Variants in KCNQ1 observed in about 807,000 individuals in gnomAD.
The protein encoded by KCNQ1 is potassium voltage-gated channel subfamily KQT member 1.
A neutral mutation model predicts 72.4 loss-of-function variants in KCNQ1; 49 were observed. The observed-to-expected ratio is 0.68, with a 90% CI of 0.54 to 0.86. KCNQ1 has a LOEUF of 0.86. Ranked by LOEUF, KCNQ1 falls within the 40% of genes least tolerant of loss-of-function variation. KCNQ1 has a pLI of 0.00. For missense variants in KCNQ1, 790 were observed against 945.1 expected, an observed-to-expected ratio of 0.84 and a Z score of 2.15; for synonymous variants, 450 against 412.6, an observed-to-expected ratio of 1.09 and a Z score of -1.10.
chr11:2,812,768 C>T (rs918123753), intron 15 of KCNQ1, among the ~76,000 whole-genome samples: 1 of 152,218 alleles, frequency 6.6e-6, no homozygotes, highest in African/African-American at 2.4e-5. Flanking sequence ...AGGCCCCACG[C>T]CCCCGGGGCC....
chr11:2,728,284 G>A (rs894054056), intron 11 of KCNQ1, among the ~76,000 whole-genome samples: 7 of 152,170 alleles, frequency 4.6e-5, no homozygotes, highest in Admixed American at 6.5e-5. Flanking sequence ...GGGTAAGTCC[G>A]ACCCCAGGTG....
chr11:2,607,020 A>G (rs766625989), intron 10 of KCNQ1, among the ~76,000 whole-genome samples: 5 of 147,188 alleles, frequency 3.4e-5, no homozygotes, highest in Admixed American at 7.0e-5. Context: ...CTTCTGCCTC[A>G]GCCTCCCGAG....
rs1320757093 is a variant in KCNQ1 at position 2,713,945 on chromosome 11, GC to G, written c.1514+51865del. ...GCCGCGCCTTTGTTCTCTGCTTCCT[GC>G]TCGGTTCCTGCTAACTCAGGGAGCT... On this transcript the variant is annotated intron_variant, in intron 11 of 15. Transcript: ENST00000155840. The surrounding 1 kb of genome is among the most constrained non-coding windows in gnomAD (Gnocchi z 5.6). Among the ~76,000 whole-genome samples the G allele has an allele frequency of 1.3e-5, 2 of 152,248 alleles. No individual in the cohort carries two copies. Among genetic ancestry groups the G allele is most frequent in the African/African-American group, 4.8e-5 (2 of 41,470 alleles).
Position 2,462,260 on chromosome 11 carries a change from G to C in KCNQ1, c.386+16776G>C, listed in dbSNP as rs1009623729. On this transcript the variant is annotated intron_variant, in intron 1 of 15. Coordinates refer to ENST00000155840, the MANE Select transcript of KCNQ1 (RefSeq NM_000218.3). This position sits in a 1 kb window ranked among gnomAD's most constrained non-coding sequence, Gnocchi z 8.2. ...GGCTGCCAGGCCTGCAAGGTAGACA[G>C]GCCTCTGGACTTGAGTGTGGCTGTG... is the stretch of plus-strand genomic sequence containing the variant. Among the ~76,000 whole-genome samples the C allele has an allele frequency of 2.0e-5, 3 of 152,160 alleles. No homozygotes were observed. The East Asian group carries it at 5.8e-4, about 29-fold the overall frequency.
chr11:2,697,434 A>T (rs1276829872), intron 11 of KCNQ1: 1 of 398,562 alleles, frequency 2.5e-6, no homozygotes, highest in Non-Finnish European at 4.4e-6. Flanking sequence ...CCTACTCCTT[A>T]TCTTAAAGAG....
Position 2,588,625 on chromosome 11 carries a change from G to A in KCNQ1, c.1252-88G>A, listed in dbSNP as rs548456707. On this transcript the variant is annotated intron_variant, in intron 9 of 15. Coordinates refer to ENST00000155840, the MANE Select transcript of KCNQ1 (RefSeq NM_000218.3). The surrounding 1 kb of genome is among the most constrained non-coding windows in gnomAD (Gnocchi z 5.6). ...GGTGTATGTGGCGGGGGCTGGGCTC[G>A]GGGCGGCTGCACAGGCACTCTGGGG... 33 of 1,544,670 alleles carry A rather than the reference G, an allele frequency of 2.1e-5. 1 individual carries two copies. In the African/African-American group the frequency reaches 2.4e-4, roughly 11 times the overall value.
rs1943101419 is a variant in KCNQ1, at chr11:2,781,964, C to T, written c.1794+3927C>T. 6.6e-6 allele frequency among the ~76,000 whole-genome samples: 1 copy of T among 152,134 alleles called. No homozygotes were observed. Among genetic ancestry groups the T allele is most frequent in the African/African-American group, 2.4e-5 (1 of 41,418 alleles). ...CAACCCAGGACTCCCAAAACCACAC[C>T]CTGCCCATGCCTTTACCAAGCTTCG... On this transcript the variant is annotated intron_variant, in intron 15 of 15. Transcript: ENST00000155840. The surrounding 1 kb of genome is among the most constrained non-coding windows in gnomAD (Gnocchi z 6.6).
Position 2,623,217 on chromosome 11 carries a change from C to A in KCNQ1, c.1393+34363C>A. 2.5e-6 allele frequency: 1 copy of A among 398,730 alleles called. No homozygotes were observed. Among genetic ancestry groups the A allele is most frequent in the Non-Finnish European group, 4.4e-6 (1 of 226,168 alleles). 24.7% of individuals were successfully genotyped at this position (398,730 alleles called of 1,614,324 possible). ...ATGATTTTAAGTTTCTGAGGCCTGC[C>A]AGCCATGCTTACTGTACAGCCTACA... On this transcript the variant is annotated intron_variant, in intron 10 of 15. Transcript: ENST00000155840. This position sits in a 1 kb window ranked among gnomAD's most constrained non-coding sequence, Gnocchi z 5.2.
intron 11 of KCNQ1, among the ~76,000 whole-genome samples, chr11:2,763,735 TA>T (rs1168436743): frequency 1.3e-5 from 2 of 152,106 alleles, no homozygotes; most frequent in Non-Finnish European, 2.9e-5. Flanking sequence ...TTTTTAAATT[TA>T]TTTTTTCTAC....
At chr11:2,778,792 T>C (rs1846763403) in intron 15 of KCNQ1, among the ~76,000 whole-genome samples, 1 of 152,240 alleles carries the variant, frequency 6.6e-6, no homozygotes, top group South Asian at 2.1e-4. Context: ...GGAGTTTCAG[T>C]TGGGCAGGGA....
At chr11:2,835,822 G>A (rs962843336) in intron 15 of KCNQ1, among the ~76,000 whole-genome samples, 5 of 152,298 alleles carry the variant, frequency 3.3e-5, no homozygotes, top group East Asian at 1.9e-4. Context: ...GCGGGGCAGC[G>A]GGCTCAGCCT....
intron 1 of KCNQ1, among the ~76,000 whole-genome samples, chr11:2,523,553 C>T (rs1052058446): frequency 2.0e-5 from 3 of 152,294 alleles, no homozygotes; most frequent in East Asian, 1.9e-4. Flanking sequence ...CTGTGATGGA[C>T]GGCTGTCACC....
chr11:2,540,041 G>C (rs892168864), intron 2 of KCNQ1, among the ~76,000 whole-genome samples: 1 of 152,156 alleles, frequency 6.6e-6, no homozygotes, highest in Non-Finnish European at 1.5e-5. Context: ...GGCACTGCAC[G>C]TGGGGCTCCT....
Position 2,623,256 on chromosome 11 carries a change from A to G in KCNQ1, c.1393+34402A>G, listed in dbSNP as rs372347869. ...GTACAGCCTACAAAACTGTGAGTCA[A>G]TTAAACCTCTTTTCTCACAAATTAC... On this transcript the variant is annotated intron_variant, in intron 10 of 15. Transcript: ENST00000155840. This position sits in a 1 kb window ranked among gnomAD's most constrained non-coding sequence, Gnocchi z 5.2. The G allele has an allele frequency of 1.3e-5, 5 of 398,752 alleles. No homozygotes were observed. The highest frequency in any genetic ancestry group is 3.6e-5 in the East Asian group (1 of 28,076). The allele number at this position is 398,752 out of a possible 1,614,324, so 24.7% of individuals were successfully genotyped here. A position where few individuals can be genotyped will look rare whatever the true frequency, so the allele number is the denominator to read the frequency against.
At chr11:2,573,242 G>T (rs966118837) in intron 6 of KCNQ1, among the ~76,000 whole-genome samples, 2 of 152,190 alleles carry the variant, frequency 1.3e-5, no homozygotes, top group Non-Finnish European at 2.9e-5. Flanking sequence ...GAGGGAAATC[G>T]GAGGGGTCAC....
At position 2,612,642 on chromosome 11, in the gene KCNQ1, C is replaced by T. The variant is rs1848999814; in HGVS notation, c.1393+23788C>T. The T allele has an allele frequency of 5.0e-6, 2 of 398,368 alleles. No individual in the cohort carries two copies. The highest frequency in any genetic ancestry group is 2.1e-5 in the African/African-American group (1 of 48,604). The allele number at this position is 398,368 out of a possible 1,614,324, so 24.7% of individuals were successfully genotyped here. On this transcript the variant is annotated intron_variant, in intron 10 of 15. Transcript: ENST00000155840. The surrounding 1 kb of genome is among the most constrained non-coding windows in gnomAD (Gnocchi z 5.5). ...TATCTATTTGATGAGTCTTTGTCAT[C>T]ACACTTGCATTCTTTAATGTGGTTT... is the stretch of plus-strand genomic sequence containing the variant.
At position 2,694,758 on chromosome 11, in the gene KCNQ1, G is replaced by A. The variant is rs879307984; in HGVS notation, c.1514+32677G>A. The A allele has an allele frequency of 5.0e-5, 20 of 398,430 alleles. No individual in the cohort carries two copies. The highest frequency in any genetic ancestry group is 8.8e-5 in the Admixed American group (2 of 22,700). The allele number at this position is 398,430 out of a possible 1,614,324, so 24.7% of individuals were successfully genotyped here. A position where few individuals can be genotyped will look rare whatever the true frequency, so the allele number is the denominator to read the frequency against. On this transcript the variant is annotated intron_variant, in intron 11 of 15. Coordinates refer to ENST00000155840, the MANE Select transcript of KCNQ1 (RefSeq NM_000218.3). ...AAATAAGTAGATGTCTAAGGAACTA[G>A]AAAAGCGTAGCCTGTGCTTTGCAGA... is the stretch of plus-strand genomic sequence containing the variant.
At chr11:2,841,628 G>T (rs1229875961) in intron 15 of KCNQ1, among the ~76,000 whole-genome samples, 1 of 152,244 alleles carries the variant, frequency 6.6e-6, no homozygotes, top group African/African-American at 2.4e-5. Flanking sequence ...TGAGCTGTGG[G>T]GCTGTTGGCC....
At chr11:2,694,925 G>A in intron 11 of KCNQ1, 1 of 398,726 alleles carries the variant, frequency 2.5e-6, no homozygotes, top group Non-Finnish European at 4.4e-6. Context: ...CCAGGCAGAG[G>A]TGGTGAAGGC....
Sources: allele counts gnomAD v4.1 joint callset (sites outside exome capture counted in the v4.1 genomes callset), GRCh38; gene constraint gnomAD v4.1.1; non-coding constraint Gnocchi (gnomAD v3.1); transcripts MANE v1.5; gene names NCBI Gene and HGNC (gene_info 2026-07-23, HGNC 2026-07-21).